Variants in NBPF8 observed in about 807,000 individuals in gnomAD.
NBPF8 encodes the protein NBPF family member NBPF8.
At chr1:120,429,075 C>G (rs1660798278) in intron 3 of NBPF8, among the ~76,000 whole-genome samples, 1 of 152,182 alleles carries the variant, frequency 6.6e-6, no homozygotes, top group Admixed American at 6.5e-5. Context: ...TGGGGCTTGT[C>G]CCTTCTAGAA....
At chr1:120,430,473 GA>G (rs1660844999) in intron 3 of NBPF8, among the ~76,000 whole-genome samples, 1 of 108,702 alleles carries the variant, frequency 9.2e-6, no homozygotes, top group South Asian at 2.4e-4. Flanking sequence ...AAATTCAACA[GA>G]CGGGGCACCG....
At chr1:120,434,494 C>T (rs1348746725), upstream of NBPF8, among the ~76,000 whole-genome samples, 1 of 147,522 alleles carries the variant, frequency 6.8e-6, no homozygotes, top group Non-Finnish European at 1.5e-5. Flanking sequence ...TCTCCTAATG[C>T]TATCCCTCCC....
chr1:120,468,002 G>T (rs1378331109), downstream of NBPF8, among the ~76,000 whole-genome samples: 1 of 151,554 alleles, frequency 6.6e-6, no homozygotes, highest in Non-Finnish European at 1.5e-5. Flanking sequence ...TTTAGGAAGG[G>T]TTGTATAGCT....
rs1248182766 is a variant in NBPF8 at position 120,449,660 on chromosome 1, T to C, written n.1971+258T>C. 5.3e-5 allele frequency among the ~76,000 whole-genome samples: 8 copies of C among 152,290 alleles called. No homozygotes were observed. The East Asian group carries it at 1.2e-3, about 22-fold the overall frequency. ...ATTGATTTCTGACACAGGCACAGAA[T>C]GACCTGTTTTCTCCAAGAGGCTCAA... On this transcript the variant is annotated intron_variant and non_coding_transcript_variant, in intron 11 of 24. Transcript: ENST00000583271.
chr1:120,445,699 C>A, intron 7 of NBPF8: 4 of 186,910 alleles, frequency 2.1e-5, no homozygotes, highest in South Asian at 8.7e-5. Flanking sequence ...ACAGACATTC[C>A]TTTCAACATG....
chr1:120,436,535 G>T (rs1325708975), exon 1 of NBPF8: 8 of 1,532,588 alleles, frequency 5.2e-6, no homozygotes, highest in Non-Finnish European at 7.2e-6. Context: ...GGTGGTATCA[G>T]CCGGCCCTTG....
At chr1:120,434,348 G>A (rs1366012586), upstream of NBPF8, among the ~76,000 whole-genome samples, 1 of 146,128 alleles carries the variant, frequency 6.8e-6, no homozygotes, top group African/African-American at 2.5e-5. Context: ...TCATGTGTGT[G>A]TATATATTAT....
At chr1:120,468,218 G>A (rs1476760094), downstream of NBPF8, among the ~76,000 whole-genome samples, 4,349 of 139,954 alleles carry the variant, frequency 0.031, no homozygotes, top group African/African-American at 0.13. Flanking sequence ...AACATATACC[G>A]GTGACATTCT....
chr1:120,464,617 C>T, intron 23 of NBPF8, 69 bp downstream of exon 21: 1 of 782,010 alleles, frequency 1.3e-6, no homozygotes, highest in Non-Finnish European at 2.3e-6. Flanking sequence ...GTTCCTGCTC[C>T]AAGTGGCCAT....
chr1:120,459,790 C>T (rs1557937213), intron 17 of NBPF8, among the ~76,000 whole-genome samples: 1 of 152,236 alleles, frequency 6.6e-6, no homozygotes, highest in South Asian at 2.1e-4. Flanking sequence ...GAACTCAAGG[C>T]AGGTGTGGCA....
intron 3 of NBPF8, among the ~76,000 whole-genome samples, chr1:120,431,188 C>T (rs1217284573): frequency 6.8e-6 from 1 of 147,318 alleles, no homozygotes; most frequent in Non-Finnish European, 1.5e-5. Flanking sequence ...GAAATAGATA[C>T]TCACATGTAT....
downstream of NBPF8, among the ~76,000 whole-genome samples, chr1:120,468,091 T>C (rs1379701439): frequency 2.6e-5 from 4 of 151,434 alleles, no homozygotes; most frequent in Admixed American, 1.3e-4. Flanking sequence ...ATTTGGTTTA[T>C]AGTTTTAAAT....
chr1:120,446,066 T>C (rs1215647747), intron 8 of NBPF8: 1 of 958,940 alleles, frequency 1.0e-6, no homozygotes, highest in East Asian at 2.5e-5. Context: ...TAGGCCCTGA[T>C]GACCCAAAAC....
chr1:120,425,604 G>C (rs1245692233), intron 1 of NBPF8, among the ~76,000 whole-genome samples: 305 of 152,214 alleles, frequency 2.0e-3, no homozygotes, highest in African/African-American at 6.9e-3. Context: ...GCTGAACGCC[G>C]GTCCCCTGGG....
chr1:120,468,912 G>A (rs1661826819), downstream of NBPF8, among the ~76,000 whole-genome samples: 1 of 151,918 alleles, frequency 6.6e-6, no homozygotes, highest in Non-Finnish European at 1.5e-5. Context: ...AATCACCTGA[G>A]GGCCACAGTG....
At chr1:120,469,505 A>C (rs1338776200), downstream of NBPF8, among the ~76,000 whole-genome samples, 1 of 147,730 alleles carries the variant, frequency 6.8e-6, no homozygotes, top group Non-Finnish European at 1.5e-5. Context: ...ACAAGTAACT[A>C]TCACACATGC....
At chr1:120,415,220 A>T (rs61806647), upstream of NBPF8, among the ~76,000 whole-genome samples, 3 of 152,202 alleles carry the variant, frequency 2.0e-5, no homozygotes, top group African/African-American at 7.2e-5. Context: ...CGGCGCACGG[A>T]TGCCATCTGG....
chr1:120,452,185 G>A (rs1353367983), exon 13 of NBPF8: 5 of 1,556,022 alleles, frequency 3.2e-6, no homozygotes, highest in East Asian at 2.3e-5. Flanking sequence ...TTGCGGGAAG[G>A]GAGAGATGCC....
intron 3 of NBPF8, among the ~76,000 whole-genome samples, chr1:120,431,275 G>A (rs79342038): frequency 7.4e-6 from 1 of 135,814 alleles, no homozygotes; most frequent in African/African-American, 3.1e-5. Context: ...GTGTGTGTGT[G>A]TGTGTGTATA....
Sources: gnomAD v4.1 joint callset for allele counts (sites outside exome capture counted in the v4.1 genomes callset) on GRCh38, gnomAD v4.1.1 for gene constraint, MANE v1.5 for transcripts, NCBI Gene and HGNC (gene_info 2026-07-23, HGNC 2026-07-21) for gene names.